The following COL12A1 variants were observed in gnomAD, a reference collection of about 807,000 sequenced individuals.
The protein encoded by COL12A1 is collagen alpha-1(XII) chain.
A neutral mutation model predicts 349.7 loss-of-function variants in COL12A1; 114 were observed. That is an observed-to-expected ratio of 0.33 (90% CI 0.28 to 0.38). The LOEUF (loss-of-function observed/expected upper bound fraction) is 0.38. COL12A1 is among the 10% of genes least tolerant of loss of function. The pLI, the probability that COL12A1 is intolerant of heterozygous loss-of-function variation, is 1.00. For missense variants in COL12A1, 3,284 were observed against 3,756.9 expected, an observed-to-expected ratio of 0.87 and a Z score of 3.29; for synonymous variants, 1,369 against 1,329.0, an observed-to-expected ratio of 1.03 and a Z score of -0.66.
chr6:75,165,489 A>C lies in COL12A1; in HGVS notation c.2983+18T>G. On this transcript the variant is annotated intron_variant, in intron 14 of 65. Coordinates refer to ENST00000322507, the MANE Select transcript of COL12A1 (RefSeq NM_004370.6). ...GTAGCACCGGCACACACCCAAACAC[A>C]CCCATAATGTTACCTACATTCAGTT... 6.2e-7 allele frequency: 1 copy of C among 1,610,092 alleles called. No individual in the cohort carries two copies. The highest frequency in any genetic ancestry group is 8.5e-7 in the Non-Finnish European group (1 of 1,178,634).
intron 44 of COL12A1, among the ~76,000 whole-genome samples, chr6:75,119,842 G>A (rs1247498900): frequency 6.6e-6 from 1 of 152,134 alleles, no homozygotes; most frequent in Non-Finnish European, 1.5e-5. Context: ...AGTTGACTCA[G>A]CCAACTGCTA....
chr6:75,135,288 A>G (rs1766538212), intron 31 of COL12A1, among the ~76,000 whole-genome samples: 1 of 152,246 alleles, frequency 6.6e-6, no homozygotes, highest in Admixed American at 6.5e-5. Flanking sequence ...TATTTGCTTT[A>G]GAAACACATT....
intron 51 of COL12A1, 71 bp from the exon 52 acceptor site, chr6:75,109,238 A>G: frequency 8.9e-7 from 1 of 1,121,810 alleles, no homozygotes; most frequent in South Asian, 1.7e-5. Flanking sequence ...CATAGTTTAG[A>G]TCAGATTTTT....
At chr6:75,189,853 T>A in intron 5 of COL12A1, 38 bp from the exon 6 acceptor site, 1 of 1,597,450 alleles carries the variant, frequency 6.3e-7, no homozygotes, top group Non-Finnish European at 8.5e-7. Flanking sequence ...TGATGCTTTA[T>A]TAAATCAACT....
At chr6:75,162,007 G>C (rs1230379453) in intron 14 of COL12A1, among the ~76,000 whole-genome samples, 3 of 152,070 alleles carry the variant, frequency 2.0e-5, no homozygotes, top group African/African-American at 7.2e-5. Flanking sequence ...AGAGAGGACA[G>C]AAACAAATGG....
rs115135283 is a variant in COL12A1 at position 75,117,577 on chromosome 6, G to A, written c.7355-31C>T. On this transcript the variant is annotated intron_variant, in intron 46 of 65. Transcript: ENST00000322507. ...AAGTAGCATTTATAGAATGAATCAC[G>A]TATCTCTTTTTCTGTCCTTGTTGTT... 482 of 1,597,886 alleles carry A rather than the reference G, an allele frequency of 3.0e-4. No homozygotes were observed. In the African/African-American group the frequency reaches 3.7e-3, roughly 12 times the overall value.
At position 75,123,952 on chromosome 6, in the gene COL12A1, A is replaced by G. The variant is rs759908990; in HGVS notation, c.6867T>C (p.His2289=). 1.2e-6 allele frequency: 2 copies of G among 1,606,736 alleles called. No homozygotes were observed. Among genetic ancestry groups the G allele is most frequent in the South Asian group, 2.2e-5 (2 of 90,652 alleles). Residue 2289 remains histidine (H), a synonymous_variant, in exon 42 of 66, where the codon CAT becomes CAC. Coordinates refer to ENST00000322507, the MANE Select transcript of COL12A1 (RefSeq NM_004370.6). ...LEGPGVSVKE[H]TTVKPTEAPT... is the part of the protein sequence containing the mutation. ...CCAGATTCCTCAAAAACTTACTGGT[A>G]TGTTCTTTAACAGAGACTCCTGGTC... is the stretch of plus-strand genomic sequence containing the variant.
Position 75,126,551 on chromosome 6 carries a change from A to G in COL12A1, c.6341-81T>C, listed in dbSNP as rs1030993624. 108 of 1,464,464 alleles carry G rather than the reference A, an allele frequency of 7.4e-5. No homozygotes were observed. In the South Asian group the frequency reaches 1.3e-3, roughly 18 times the overall value. The allele number at this position is 1,464,464 out of a possible 1,614,324, so 90.7% of individuals were successfully genotyped here. On this transcript the variant is annotated intron_variant, in intron 38 of 65. Transcript: ENST00000322507. ...ACAAAACTTTAAAAGTATCGGTAGG[A>G]AAGCCCAATGGGAGCAATTTCATAA... is the stretch of plus-strand genomic sequence containing the variant.
At chr6:75,095,221 G>GA (rs1767949510) in intron 59 of COL12A1, 42 bp from the exon 60 acceptor site, 1 of 1,486,380 alleles carries the variant, frequency 6.7e-7, no homozygotes, top group Non-Finnish European at 9.3e-7. Flanking sequence ...ATGACAAAGG[G>GA]AAAATCCCAT....
chr6:75,099,655 C>A (rs1768210756), intron 58 of COL12A1, among the ~76,000 whole-genome samples: 1 of 152,162 alleles, frequency 6.6e-6, no homozygotes, highest in Non-Finnish European at 1.5e-5. Flanking sequence ...TGCTGCAAGC[C>A]ACAGCAGTTA....
At chr6:75,144,385 A>C (rs1273832112) in intron 25 of COL12A1, among the ~76,000 whole-genome samples, 2 of 152,166 alleles carry the variant, frequency 1.3e-5, no homozygotes, top group Non-Finnish European at 2.9e-5. Context: ...ATTAATTTAC[A>C]CTAACCCATC....
intron 13 of COL12A1, among the ~76,000 whole-genome samples, chr6:75,167,953 C>T (rs1253480738): frequency 6.6e-6 from 1 of 152,140 alleles, no homozygotes; most frequent in Non-Finnish European, 1.5e-5. Flanking sequence ...GGCATGACAA[C>T]ACTATTTTGA....
chr6:75,167,104 C>G (rs577427728), intron 13 of COL12A1, among the ~76,000 whole-genome samples: 1 of 152,136 alleles, frequency 6.6e-6, no homozygotes, highest in Non-Finnish European at 1.5e-5. Context: ...GAGGTTAATT[C>G]CCATTTGAAA....
At chr6:75,190,523 C>G (rs560839116) in intron 5 of COL12A1, among the ~76,000 whole-genome samples, 12 of 151,874 alleles carry the variant, frequency 7.9e-5, no homozygotes, top group African/African-American at 2.7e-4. Flanking sequence ...TATTTTTATT[C>G]AAAAGTTAAA....
At chr6:75,176,284 G>A (rs111397766) in intron 12 of COL12A1, among the ~76,000 whole-genome samples, 79 of 151,304 alleles carry the variant, frequency 5.2e-4, no homozygotes, top group African/African-American at 1.8e-3. Flanking sequence ...GGGGAGGAAG[G>A]AAAGTGATAC....
At chr6:75,170,051 T>C (rs1395073401) in intron 13 of COL12A1, among the ~76,000 whole-genome samples, 2 of 152,234 alleles carry the variant, frequency 1.3e-5, no homozygotes, top group Non-Finnish European at 2.9e-5. Flanking sequence ...CACTGCTTTT[T>C]TCCACATACC....
Position 75,105,442 on chromosome 6 carries a change from T to G in COL12A1, c.8179-150A>C, listed in dbSNP as rs1415513713. On this transcript the variant is annotated intron_variant, in intron 53 of 65. Coordinates refer to ENST00000322507, the MANE Select transcript of COL12A1 (RefSeq NM_004370.6). ...TTATGAATAGTCTTATGTTGAAACT[T>G]GCTGTGCTCCTTTATGTCTTTATTT... The G allele has an allele frequency of 1.6e-5, 10 of 631,328 alleles. No individual in the cohort carries two copies. The East Asian group carries it at 2.8e-4, about 17-fold the overall frequency. 39.1% of individuals were successfully genotyped at this position (631,328 alleles called of 1,614,324 possible). A position where few individuals can be genotyped will look rare whatever the true frequency, so the allele number is the denominator to read the frequency against.
intron 13 of COL12A1, among the ~76,000 whole-genome samples, chr6:75,170,645 GA>G (rs1202418174): frequency 6.6e-6 from 1 of 152,162 alleles, no homozygotes; most frequent in Non-Finnish European, 1.5e-5. Flanking sequence ...TTAATTCACA[GA>G]AAAAGGAAAT....
intron 32 of COL12A1, 125 bp from the exon 33 acceptor site, chr6:75,134,122 T>C: frequency 9.3e-7 from 1 of 1,070,166 alleles, no homozygotes; most frequent in East Asian, 2.6e-5. Context: ...TTTGTTGAAG[T>C]AGTGAATAAA....
Sources: gnomAD v4.1 joint callset for allele counts (sites outside exome capture counted in the v4.1 genomes callset) on GRCh38, gnomAD v4.1.1 for gene constraint, MANE v1.5 for transcripts, NCBI Gene and HGNC (gene_info 2026-07-23, HGNC 2026-07-21) for gene names.